KIF1B: variants seen among roughly 807,000 people sequenced by gnomAD.
The protein encoded by KIF1B is kinesin family member 1B, also known as kinesin-like protein KIF1B.
KIF1B carries 76 observed loss-of-function variants against 241.9 expected under a neutral mutation model. The ratio of observed to expected loss-of-function variants is 0.31; its 90% CI spans 0.26 to 0.38. The LOEUF is 0.38. KIF1B is among the 10% of genes least tolerant of loss of function. The probability of loss-of-function intolerance (pLI) is 1.00; values close to 1 mark genes in which losing one functional copy is unlikely to be tolerated. For synonymous variants in KIF1B, 750 were observed against 796.7 expected (o/e 0.94, Z 0.99); for missense variants, 1,622 against 2,271.4 (o/e 0.71, Z 5.81).
Position 10,229,867 on chromosome 1 carries a change from C to CAAA in KIF1B, c.-79-2357_-79-2355dup, listed in dbSNP as rs58923572. On this transcript the variant is annotated intron_variant, in intron 1 of 48. Transcript: ENST00000676179. ...TGGGTGATGGAGTGAGACTCCGTCT[C>CAAA]AAAAAAAAAAAAAAAAAAAAAAAAA... is the stretch of plus-strand genomic sequence containing the variant. Among the ~76,000 whole-genome samples the CAAA allele has an allele frequency of 9.4e-4, 53 of 56,458 alleles. 1 individual carries two copies. The highest frequency in any genetic ancestry group is 4.2e-3 in the African/African-American group (46 of 10,844). The allele number at this position is 56,458 out of a possible 152,430, so 37.0% of individuals were successfully genotyped here. A position where few individuals can be genotyped will look rare whatever the true frequency, so the allele number is the denominator to read the frequency against.
At chr1:10,309,133 A>G (rs1650960598) in intron 22 of KIF1B, among the ~76,000 whole-genome samples, 1 of 152,236 alleles carries the variant, frequency 6.6e-6, no homozygotes, top group Non-Finnish European at 1.5e-5. Context: ...CACTAGTCTC[A>G]TTGAAAATTT....
chr1:10,220,360 G>C (rs556720075), intron 1 of KIF1B, among the ~76,000 whole-genome samples: 69 of 147,394 alleles, frequency 4.7e-4, no homozygotes, highest in African/African-American at 1.7e-3. Flanking sequence ...AACAGAGTGA[G>C]ACCCTGTTTC....
chr1:10,277,041 A>G (rs1221542941), intron 12 of KIF1B, among the ~76,000 whole-genome samples: 1 of 151,858 alleles, frequency 6.6e-6, no homozygotes, highest in African/African-American at 2.4e-5. Context: ...AGATGGCGCC[A>G]CTGCACTCCA....
intron 39 of KIF1B, 128 bp downstream of exon 39, chr1:10,361,171 T>C (rs1261375119): frequency 8.3e-6 from 6 of 726,006 alleles, no homozygotes; most frequent in Non-Finnish European, 1.5e-5. Context: ...CCTTAAGTTT[T>C]TCATTTTATT....
intron 44 of KIF1B, among the ~76,000 whole-genome samples, chr1:10,370,005 A>G (rs902301294): frequency 6.6e-6 from 1 of 152,000 alleles, no homozygotes; most frequent in East Asian, 1.9e-4. Context: ...TGTAATCCCA[A>G]CACTTTGGGA....
intron 22 of KIF1B, chr1:10,307,212 T>C (rs1650872712): frequency 2.9e-6 from 3 of 1,027,824 alleles, no homozygotes; most frequent in Admixed American, 5.8e-5. Flanking sequence ...AGAATAACTC[T>C]GTATGAATAA....
intron 22 of KIF1B, chr1:10,305,844 T>C: frequency 1.9e-6 from 2 of 1,052,362 alleles, no homozygotes; most frequent in Non-Finnish European, 2.3e-6. Context: ...ATCTCTTGAG[T>C]TTGTCAAAAA....
rs58923572 is a variant in KIF1B, at chr1:10,229,867, C to CAA, written c.-79-2356_-79-2355dup. Among the ~76,000 whole-genome samples, 121 of 56,444 alleles carry CAA rather than the reference C, an allele frequency of 2.1e-3. 4 individuals carry two copies. Among genetic ancestry groups the CAA allele is most frequent in the Middle Eastern group, 0.017 (1 of 60 alleles). 37.0% of individuals were successfully genotyped at this position (56,444 alleles called of 152,430 possible). On this transcript the variant is annotated intron_variant, in intron 1 of 48. Transcript: ENST00000676179. The stretch of plus-strand genomic sequence containing the variant: ...TGGGTGATGGAGTGAGACTCCGTCT[C>CAA]AAAAAAAAAAAAAAAAAAAAAAAAA...
chr1:10,258,288 C>G (rs1434474745), intron 3 of KIF1B, among the ~76,000 whole-genome samples: 1 of 151,976 alleles, frequency 6.6e-6, no homozygotes, highest in East Asian at 1.9e-4. Context: ...ATGACTCTAA[C>G]AGTGCATGTG....
At chr1:10,316,662 G>A (rs1651318570) in intron 22 of KIF1B, among the ~76,000 whole-genome samples, 1 of 151,334 alleles carries the variant, frequency 6.6e-6, no homozygotes. Flanking sequence ...CATCACACCT[G>A]GATAATTTTT....
At chr1:10,257,323 A>T (rs1174191159) in intron 3 of KIF1B, among the ~76,000 whole-genome samples, 1 of 151,376 alleles carries the variant, frequency 6.6e-6, no homozygotes, top group East Asian at 2.0e-4. Flanking sequence ...AAAAAAAAAA[A>T]ATTAGGTGGG....
At chr1:10,213,860 G>A (rs1646727724) in intron 1 of KIF1B, among the ~76,000 whole-genome samples, 1 of 152,088 alleles carries the variant, frequency 6.6e-6, no homozygotes. Flanking sequence ...CCTTGGGCCG[G>A]ATGCAGTGGC....
At chr1:10,350,173 C>T (rs552256709) in intron 37 of KIF1B, among the ~76,000 whole-genome samples, 5 of 151,482 alleles carry the variant, frequency 3.3e-5, no homozygotes, top group African/African-American at 1.2e-4. Flanking sequence ...CCTGTAGTCC[C>T]AGGTACTCGG....
chr1:10,304,040 C>T (rs1650686156), intron 22 of KIF1B: 1 of 1,611,454 alleles, frequency 6.2e-7, no homozygotes, highest in Non-Finnish European at 8.5e-7. Flanking sequence ...AGGTTCATCC[C>T]TCCTGAGAAC....
intron 2 of KIF1B, among the ~76,000 whole-genome samples, chr1:10,254,658 CA>C (rs1347463526): frequency 6.6e-6 from 1 of 151,850 alleles, no homozygotes; most frequent in East Asian, 1.9e-4. Context: ...GGGTGGATCA[CA>C]AGGTCAGGAG....
Position 10,273,037 on chromosome 1 carries a change from G to T in KIF1B, c.882+6G>T. ...AGGATAACTGCACTAGCAAGGTACA[G>T]TGGGGATTGGTAGAGATAAACTAGA... On this transcript the variant is annotated splice_donor_region_variant and intron_variant, in intron 10 of 48. Transcript: ENST00000676179. 6.5e-7 allele frequency: 1 copy of T among 1,543,070 alleles called. No homozygotes were observed. The highest frequency in any genetic ancestry group is 8.8e-7 in the Non-Finnish European group (1 of 1,140,666).
At chr1:10,360,157 C>G (rs1044421845) in intron 38 of KIF1B, among the ~76,000 whole-genome samples, 4 of 152,130 alleles carry the variant, frequency 2.6e-5, no homozygotes, top group African/African-American at 9.7e-5. Flanking sequence ...TGAGGCCCAG[C>G]AGCACTGGAT....
chr1:10,226,972 A>AAAAC (rs111659874), intron 1 of KIF1B, among the ~76,000 whole-genome samples: 86,788 of 146,602 alleles, frequency 0.59, 28,531 homozygotes, highest in African/African-American at 0.9. Context: ...CCCTGTCTCA[A>AAAAC]AAACAAACAA....
At chr1:10,300,606 A>C (rs1420534847) in intron 22 of KIF1B, among the ~76,000 whole-genome samples, 4 of 152,186 alleles carry the variant, frequency 2.6e-5, no homozygotes, top group Admixed American at 6.5e-5. Context: ...TTTCATCCTT[A>C]AGCAATTTGA....
Sources: gnomAD v4.1 joint callset for allele counts (sites outside exome capture counted in the v4.1 genomes callset) on GRCh38, gnomAD v4.1.1 for gene constraint, MANE v1.5 for transcripts, NCBI Gene and HGNC (gene_info 2026-07-23, HGNC 2026-07-21) for gene names.